CADM2: variants seen among roughly 807,000 people sequenced by gnomAD.
CADM2 encodes the protein immunoglobulin superfamily member 4D.
Under a neutral mutation model 49.8 loss-of-function variants are expected in CADM2, and 12 were observed. The ratio of observed to expected loss-of-function variants is 0.24; its 90% CI spans 0.15 to 0.39. The LOEUF is 0.39. Ranked by LOEUF, CADM2 falls within the 10% of genes least tolerant of loss-of-function variation. CADM2 has a pLI of 1.00. For missense variants in CADM2, 378 were observed against 492.3 expected (o/e 0.77, Z 2.20); for synonymous variants, 214 against 175.4 (o/e 1.22, Z -1.74).
intron 1 of CADM2, among the ~76,000 whole-genome samples, chr3:85,694,223 T>G (rs969852589): frequency 6.6e-6 from 1 of 152,146 alleles, no homozygotes; most frequent in African/African-American, 2.4e-5. Context: ...TACCCCTACC[T>G]CCCATTCATA....
chr3:85,940,023 CA>C (rs10717960), intron 7 of CADM2, among the ~76,000 whole-genome samples: 101,681 of 146,862 alleles, frequency 0.69, 36,502 homozygotes, highest in African/African-American at 0.92. Context: ...TTAACAACAA[CA>C]AAAAAAAAAC....
intron 2 of CADM2, among the ~76,000 whole-genome samples, chr3:85,770,301 A>G (rs2070010938): frequency 6.6e-6 from 1 of 152,056 alleles, no homozygotes; most frequent in Admixed American, 6.6e-5. Context: ...ACAGGTAATG[A>G]CATATCAATT....
At chr3:85,492,475 C>G (rs1011941510) in intron 1 of CADM2, among the ~76,000 whole-genome samples, 2 of 151,892 alleles carry the variant, frequency 1.3e-5, no homozygotes. Flanking sequence ...GCCTGTAGTT[C>G]CAGCTACTCG....
chr3:85,137,363 T>G (rs2039448961), intron 1 of CADM2, among the ~76,000 whole-genome samples: 1 of 151,940 alleles, frequency 6.6e-6, no homozygotes, highest in Admixed American at 6.6e-5. Context: ...AGGTCCGTGG[T>G]GGTTTAGCAG....
intron 1 of CADM2, among the ~76,000 whole-genome samples, chr3:85,216,795 C>G (rs2041938768): frequency 6.6e-6 from 1 of 151,994 alleles, no homozygotes; most frequent in African/African-American, 2.4e-5. Flanking sequence ...TTATGTAATG[C>G]AGAGCCAATT....
chr3:85,609,580 C>G (rs1237447808), intron 1 of CADM2, among the ~76,000 whole-genome samples: 6 of 152,038 alleles, frequency 3.9e-5, no homozygotes, highest in African/African-American at 1.2e-4. Context: ...ATTAAAAAGC[C>G]TTCAGTATAG....
At chr3:85,186,198 T>C (rs1372836868) in intron 1 of CADM2, among the ~76,000 whole-genome samples, 3 of 152,178 alleles carry the variant, frequency 2.0e-5, no homozygotes, top group African/African-American at 7.2e-5. Context: ...CGTTATTTTC[T>C]TTTCTTGCCT....
intron 5 of CADM2, among the ~76,000 whole-genome samples, chr3:85,895,214 C>T (rs1196849533): frequency 6.6e-6 from 1 of 152,184 alleles, no homozygotes; most frequent in African/African-American, 2.4e-5. Flanking sequence ...CATGGAAGCC[C>T]ACTTCTTGCA....
intron 1 of CADM2, among the ~76,000 whole-genome samples, chr3:84,994,746 C>T (rs185727653): frequency 4.5e-4 from 69 of 152,092 alleles, no homozygotes; most frequent in Admixed American, 9.8e-4. Context: ...TACAAGTGTT[C>T]GGCTGGGCGT....
At chr3:85,067,305 G>A (rs1407179180) in intron 1 of CADM2, among the ~76,000 whole-genome samples, 1 of 152,030 alleles carries the variant, frequency 6.6e-6, no homozygotes, top group African/African-American at 2.4e-5. Context: ...TTGTGTGTGT[G>A]TGTGGTTTTG....
intron 1 of CADM2, among the ~76,000 whole-genome samples, chr3:85,482,158 C>T (rs947329377): frequency 1.3e-5 from 2 of 151,688 alleles, no homozygotes; most frequent in South Asian, 2.1e-4. Flanking sequence ...TCCATAATGC[C>T]GATTTACTGA....
At position 85,035,643 on chromosome 3, in the gene CADM2, TATCC is replaced by T. The variant is rs201888574; in HGVS notation, c.61+75976_61+75979del. 6.3e-3 allele frequency among the ~76,000 whole-genome samples: 954 copies of T among 152,226 alleles called. 8 individuals carry two copies. The highest frequency in any genetic ancestry group is 0.022 in the African/African-American group (896 of 41,520). ...CTAGTTTCATTCTTCTACATGTGGG[TATCC>T]TTTTTTCCCAGCACAATTTATTGAA... On this transcript the variant is annotated intron_variant, in intron 1 of 9. Transcript: ENST00000383699.
At chr3:85,902,307 A>G (rs926731442) in intron 5 of CADM2, among the ~76,000 whole-genome samples, 1 of 151,940 alleles carries the variant, frequency 6.6e-6, no homozygotes, top group Non-Finnish European at 1.5e-5. Flanking sequence ...TTATTTTAAA[A>G]TCTGCTTTGA....
At chr3:85,016,820 A>G (rs1559618900) in intron 1 of CADM2, among the ~76,000 whole-genome samples, 2 of 152,066 alleles carry the variant, frequency 1.3e-5, no homozygotes, top group Admixed American at 6.6e-5. Flanking sequence ...AAAAGAAAAG[A>G]AAAGAAAGAA....
chr3:85,237,205 A>G (rs1168584596), intron 1 of CADM2, among the ~76,000 whole-genome samples: 2 of 151,962 alleles, frequency 1.3e-5, no homozygotes, highest in Non-Finnish European at 2.9e-5. Flanking sequence ...AGATAATAGG[A>G]GGGACAGAAT....
rs191488260 is a variant in CADM2 at position 85,315,816 on chromosome 3, A to T, written c.61+356148A>T. ...ATTTTTGGATTTTGGAAATACTTTAACAACTAATATATTTCTTCTTAAATT... is the reference window on the plus strand; with the variant it reads ...ATTTTTGGATTTTGGAAATACTTTATCAACTAATATATTTCTTCTTAAATT... On this transcript the variant is annotated intron_variant, in intron 1 of 9. Transcript: ENST00000383699. Among the ~76,000 whole-genome samples the T allele has an allele frequency of 1.9e-3, 286 of 152,308 alleles. 2 individuals are homozygous for T. The highest frequency in any genetic ancestry group is 3.6e-3 in the Non-Finnish European group (242 of 68,014).
intron 1 of CADM2, among the ~76,000 whole-genome samples, chr3:85,685,615 C>CTTTTTTTTTTTTTTT (rs59277971): frequency 1.7e-4 from 21 of 122,020 alleles, no homozygotes; most frequent in South Asian, 2.7e-4. Context: ...TTCTTTCTTT[C>CTTTTTTTTTTTTTTT]TTTTTTTTTT....
chr3:85,717,273 T>C (rs1000828228), intron 1 of CADM2, among the ~76,000 whole-genome samples: 47 of 152,134 alleles, frequency 3.1e-4, no homozygotes, highest in African/African-American at 1.1e-3. Context: ...AATGGGACTT[T>C]GCTCATGATT....
chr3:85,191,330 T>G (rs2041201819), intron 1 of CADM2, among the ~76,000 whole-genome samples: 1 of 152,074 alleles, frequency 6.6e-6, no homozygotes, highest in African/African-American at 2.4e-5. Flanking sequence ...CAAATATATA[T>G]TGCTTATAAT....
Sources: allele counts gnomAD v4.1 joint callset (sites outside exome capture counted in the v4.1 genomes callset), GRCh38; gene constraint gnomAD v4.1.1; transcripts MANE v1.5; gene names NCBI Gene and HGNC (gene_info 2026-07-23, HGNC 2026-07-21).